EXD3: variants seen among roughly 807,000 people sequenced by gnomAD.
The protein encoded by EXD3 is exonuclease 3'-5' domain containing 3, also known as exonuclease mut-7 homolog.
In EXD3, 92 loss-of-function variants were observed where a neutral mutation model predicts 98.0. The observed-to-expected ratio is 0.94, with a 90% CI of 0.79 to 1.12. The LOEUF (loss-of-function observed/expected upper bound fraction) is 1.12, where lower values mean the gene tolerates loss of function less well. EXD3 is among the 50% of genes most tolerant of loss of function. EXD3 has a pLI of 0.00. For synonymous variants in EXD3, 569 were observed against 526.0 expected (o/e 1.08, Z -1.12); for missense variants, 1,222 against 1,191.6 (o/e 1.03, Z -0.38).
At chr9:137,368,343 G>A (rs889533153) in intron 5 of EXD3, among the ~76,000 whole-genome samples, 2 of 152,316 alleles carry the variant, frequency 1.3e-5, no homozygotes, top group East Asian at 3.9e-4. Context: ...AAGGCAAGGC[G>A]CAAAGCCGTG....
chr9:137,400,730 A>C (rs1420238140), intron 1 of EXD3, among the ~76,000 whole-genome samples: 5 of 151,202 alleles, frequency 3.3e-5, no homozygotes, highest in African/African-American at 4.9e-5. Flanking sequence ...GCGCCATTGC[A>C]CTCCAGCCTG....
chr9:137,412,046 TC>T (rs1440696131), intron 1 of EXD3, among the ~76,000 whole-genome samples: 6 of 151,900 alleles, frequency 3.9e-5, no homozygotes, highest in Non-Finnish European at 8.8e-5. Flanking sequence ...GCTCCCAGGC[TC>T]CCCCACCCCC....
rs756853394 is a variant in EXD3, at chr9:137,351,099, G to A, written c.1433C>T (p.Ala478Val). The A allele has an allele frequency of 3.2e-6, 5 of 1,584,674 alleles. No individual in the cohort carries two copies. Among genetic ancestry groups the A allele is most frequent in the Non-Finnish European group, 4.3e-6 (5 of 1,166,484 alleles). ...DLQKLGTSCPALAHVEKQILG... is the reference protein window; with the variant it reads ...DLQKLGTSCPVLAHVEKQILG... ...AATCTGCTTCTCCACATGGGCCAGG[G>A]CGGGGCAGGACGTGCCCAGTTTTTG... The change falls in exon 14 of 22, where the codon GCC (alanine) becomes GTC (valine). Residue 478 changes from alanine to valine, a missense_variant. Ala to Val is a moderately conservative substitution (Grantham distance 64, BLOSUM62 0). Transcript: ENST00000340951.
chr9:137,357,030 G>C (rs550560956), intron 7 of EXD3, among the ~76,000 whole-genome samples: 1 of 152,346 alleles, frequency 6.6e-6, no homozygotes, highest in Admixed American at 6.5e-5. Context: ...TGAGAGTTCA[G>C]TGGAGCCAAG....
At position 137,384,057 on chromosome 9, in the gene EXD3, G is replaced by A. The variant is rs73583537; in HGVS notation, c.56-680C>T. ...TAGGGTCAGGGTCGGAGGCCAGGGA[G>A]GGGCAGGTGCCAGCAGGGACTCCAC... On this transcript the variant is annotated intron_variant, in intron 2 of 21. Coordinates refer to ENST00000340951, the MANE Select transcript of EXD3 (RefSeq NM_017820.5). Among the ~76,000 whole-genome samples, 871 of 152,338 alleles carry A rather than the reference G, an allele frequency of 5.7e-3. 10 individuals carry two copies. Among genetic ancestry groups the A allele is most frequent in the African/African-American group, 0.02 (825 of 41,578 alleles).
chr9:137,321,687 C>T (rs1323259642), intron 19 of EXD3, among the ~76,000 whole-genome samples: 1 of 152,046 alleles, frequency 6.6e-6, no homozygotes, highest in Non-Finnish European at 1.5e-5. Flanking sequence ...CGTCCCACCC[C>T]CAAAAAACCC....
chr9:137,314,187 C>T (rs905359186), intron 19 of EXD3, among the ~76,000 whole-genome samples: 4 of 152,334 alleles, frequency 2.6e-5, no homozygotes, highest in South Asian at 2.1e-4. Flanking sequence ...CCAACCTGCC[C>T]GCCGAGGCCT....
At chr9:137,353,132 G>C in intron 10 of EXD3, 1 of 1,172,834 alleles carries the variant, frequency 8.5e-7, no homozygotes, top group Non-Finnish European at 1.1e-6. Context: ...CGGCCTCCAA[G>C]CCTCCACCGG....
At chr9:137,321,171 C>T (rs977014092) in intron 19 of EXD3, among the ~76,000 whole-genome samples, 1 of 152,270 alleles carries the variant, frequency 6.6e-6, no homozygotes, top group Non-Finnish European at 1.5e-5. Flanking sequence ...CTGCTTCAAT[C>T]CCCGCCAGGC....
Position 137,373,272 on chromosome 9 carries a change from C to T in EXD3, c.294+154G>A, listed in dbSNP as rs536981919. On this transcript the variant is annotated intron_variant, in intron 4 of 21. Transcript: ENST00000340951. ...TGTCAGGGGGCAGAGGGTGAAGCCA[C>T]GGGCTGAGTCTTGGCCATAGCCCCC... Among the ~76,000 whole-genome samples, 10 of 124,296 alleles carry T rather than the reference C, an allele frequency of 8.0e-5. No homozygotes were observed. In the East Asian group the frequency reaches 1.6e-3, roughly 20 times the overall value. 81.5% of individuals were successfully genotyped at this position (124,296 alleles called of 152,430 possible).
rs545000741 is a variant in EXD3 at position 137,349,880 on chromosome 9, G to A, written c.1495-349C>T. On this transcript the variant is annotated intron_variant, in intron 14 of 21. Coordinates refer to ENST00000340951, the MANE Select transcript of EXD3 (RefSeq NM_017820.5). This position sits in a 1 kb window ranked among gnomAD's most constrained non-coding sequence, Gnocchi z 7.4. ...TCAGAAGAGGAGCACTGGGTGTGCC[G>A]TGCATAAAACAGCAGAAACGCAGAC... 5.8e-4 allele frequency among the ~76,000 whole-genome samples: 88 copies of A among 152,174 alleles called. No individual in the cohort carries two copies. The highest frequency in any genetic ancestry group is 2.8e-4 in the Non-Finnish European group (19 of 68,002).
In EXD3 at chr9:137,326,945, C is replaced by T. The variant is rs1333121315; in HGVS notation, c.1999-2802G>A. On this transcript the variant is annotated intron_variant, in intron 17 of 21. Coordinates refer to ENST00000340951, the MANE Select transcript of EXD3 (RefSeq NM_017820.5). ...TCAAAAAAAAAAAGGAAGGACGTTC[C>T]GACACAGGCTACGTCGTGAATAAAC... Among the ~76,000 whole-genome samples the T allele has an allele frequency of 3.9e-5, 6 of 151,972 alleles. No individual in the cohort carries two copies. The East Asian group carries it at 9.6e-4, about 24-fold the overall frequency.
intron 17 of EXD3, among the ~76,000 whole-genome samples, chr9:137,334,313 T>A (rs1426166317): frequency 1.3e-5 from 2 of 152,170 alleles, no homozygotes; most frequent in Non-Finnish European, 2.9e-5. Context: ...CAGGTATTCC[T>A]TTATAGCAAT....
chr9:137,354,518 G>A, intron 9 of EXD3, 141 bp from the exon 10 acceptor site: 3 of 1,540,950 alleles, frequency 1.9e-6, no homozygotes, highest in Non-Finnish European at 2.6e-6. Flanking sequence ...CCACAGCCCA[G>A]AGCCAGGGCC....
intron 17 of EXD3, among the ~76,000 whole-genome samples, chr9:137,330,733 A>T (rs779107729): frequency 6.6e-6 from 1 of 152,206 alleles, no homozygotes; most frequent in African/African-American, 2.4e-5. Flanking sequence ...CTACAAGAAT[A>T]AACCCGGCAA....
intron 1 of EXD3, among the ~76,000 whole-genome samples, chr9:137,406,016 T>C (rs976340766): frequency 2.6e-5 from 4 of 151,882 alleles, no homozygotes; most frequent in Admixed American, 6.6e-5. Flanking sequence ...GCTCAGGAGT[T>C]TGAGACCAGC....
In EXD3 at chr9:137,393,271, C is replaced by T. The variant is rs1401411905; in HGVS notation, c.55+2032G>A. On this transcript the variant is annotated intron_variant, in intron 2 of 21. Coordinates refer to ENST00000340951, the MANE Select transcript of EXD3 (RefSeq NM_017820.5). The surrounding 1 kb of genome is among the most constrained non-coding windows in gnomAD (Gnocchi z 4.6). ...AGAGTCAGCTCTGTGCTGAGGCGAA[C>T]CCAGGGTCCCATGCGCTCCCCGGCC... The T allele has an allele frequency of 1.4e-6, 1 of 701,728 alleles. No homozygotes were observed. The highest frequency in any genetic ancestry group is 1.5e-5 in the South Asian group (1 of 67,578). 43.5% of individuals were successfully genotyped at this position (701,728 alleles called of 1,614,324 possible).
Position 137,353,084 on chromosome 9 carries a change from C to G in EXD3, c.871-298G>C, listed in dbSNP as rs1463645987. 3 of 1,234,838 alleles carry G rather than the reference C, an allele frequency of 2.4e-6. No individual in the cohort carries two copies. In the African/African-American group the frequency reaches 4.8e-5, roughly 20 times the overall value. 76.5% of individuals were successfully genotyped at this position (1,234,838 alleles called of 1,614,324 possible). On this transcript the variant is annotated intron_variant, in intron 10 of 21. Coordinates refer to ENST00000340951, the MANE Select transcript of EXD3 (RefSeq NM_017820.5). Reference sequence around the variant, plus strand: ...GCTGCCCACCTCAGTTCAGCCCCAGCTGGCCCCTCCTGGCCTCCAAGCCTC... The same window carrying G: ...GCTGCCCACCTCAGTTCAGCCCCAGGTGGCCCCTCCTGGCCTCCAAGCCTC...
Position 137,395,476 on chromosome 9 carries a change from G to C in EXD3, c.-47-72C>G. 1 of 1,433,416 alleles carries C rather than the reference G, an allele frequency of 7.0e-7. No individual in the cohort carries two copies. Among genetic ancestry groups the C allele is most frequent in the Non-Finnish European group, 9.6e-7 (1 of 1,042,700 alleles). The allele number at this position is 1,433,416 out of a possible 1,614,324, so 88.8% of individuals were successfully genotyped here. A position where few individuals can be genotyped will look rare whatever the true frequency, so the allele number is the denominator to read the frequency against. ...CAGCCATGCAGAGCCCACGCCCACA[G>C]CCCCTGGAGGTGGTGGAGGGAGCTG... On this transcript the variant is annotated intron_variant, in intron 1 of 21. Transcript: ENST00000340951. This position sits in a 1 kb window ranked among gnomAD's most constrained non-coding sequence, Gnocchi z 6.5.
Sources: allele counts gnomAD v4.1 joint callset (sites outside exome capture counted in the v4.1 genomes callset), GRCh38; gene constraint gnomAD v4.1.1; non-coding constraint Gnocchi (gnomAD v3.1); transcripts MANE v1.5; gene names NCBI Gene and HGNC (gene_info 2026-07-23, HGNC 2026-07-21).